Variants in TLN2 observed in about 807,000 individuals in gnomAD.
The protein encoded by TLN2 is talin-2.
In TLN2, 118 loss-of-function variants were observed where a neutral mutation model predicts 294.7. The ratio of observed to expected loss-of-function variants is 0.40; its 90% CI spans 0.34 to 0.47. The LOEUF (loss-of-function observed/expected upper bound fraction) is 0.47. Among genes scored for constraint, TLN2 ranks in the 20% least tolerant of loss-of-function variants. The probability of loss-of-function intolerance (pLI) is 0.84; values close to 1 mark genes in which losing one functional copy is unlikely to be tolerated. For missense variants in TLN2, 3,083 were observed against 3,282.2 expected, an observed-to-expected ratio of 0.94 and a Z score of 1.48; for synonymous variants, 1,431 against 1,304.5, an observed-to-expected ratio of 1.10 and a Z score of -2.09.
chr15:62,710,846 C>T (rs1308925357), intron 21 of TLN2, among the ~76,000 whole-genome samples: 1 of 150,756 alleles, frequency 6.6e-6, no homozygotes, highest in Non-Finnish European at 1.5e-5. Context: ...CTGCCTTAGC[C>T]TCCTGAGTAG....
At chr15:62,465,918 G>A (rs1280436173) in intron 1 of TLN2, among the ~76,000 whole-genome samples, 2 of 152,204 alleles carry the variant, frequency 1.3e-5, no homozygotes, top group East Asian at 3.8e-4. Flanking sequence ...AGGATTGGAA[G>A]GAGTTTGTAG....
chr15:62,689,994 A>G (rs868581458), intron 12 of TLN2, among the ~76,000 whole-genome samples: 2 of 14,144 alleles, frequency 1.4e-4, no homozygotes, highest in Non-Finnish European at 2.0e-4. Context: ...TCCCTCCCGG[A>G]CGGGGCGGCT....
rs1410393464 is a variant in TLN2 at position 62,599,259 on chromosome 15, A to T, written c.-162+9497A>T. ...GGTCAAGTCTAAAGGGATAGAGGGG[A>T]GTCAATATTTAACTGGTTGCAGTGA... On this transcript the variant is annotated intron_variant, in intron 2 of 58. Coordinates refer to ENST00000636159, the MANE Select transcript of TLN2 (RefSeq NM_015059.3). 5.3e-5 allele frequency among the ~76,000 whole-genome samples: 8 copies of T among 152,330 alleles called. No homozygotes were observed. The East Asian group carries it at 1.5e-3, about 29-fold the overall frequency.
chr15:62,716,544 G>A (rs2059783596), intron 23 of TLN2, 85 bp downstream of exon 23: 1 of 1,472,142 alleles, frequency 6.8e-7, no homozygotes, highest in Non-Finnish European at 9.0e-7. Flanking sequence ...ACAAGGTGTT[G>A]ACAATATAAA....
At chr15:62,496,274 C>A (rs1324572703) in intron 1 of TLN2, among the ~76,000 whole-genome samples, 2 of 152,202 alleles carry the variant, frequency 1.3e-5, no homozygotes. Context: ...GAGGCATGCC[C>A]AGAGAAGATT....
intron 3 of TLN2, among the ~76,000 whole-genome samples, chr15:62,640,941 A>T (rs780149672): frequency 6.6e-6 from 1 of 151,950 alleles, no homozygotes; most frequent in East Asian, 1.9e-4. Flanking sequence ...GGCTGGGATT[A>T]CAGGCGCCCG....
intron 27 of TLN2, among the ~76,000 whole-genome samples, chr15:62,726,368 C>A (rs112817891): frequency 1.3e-5 from 2 of 152,160 alleles, no homozygotes; most frequent in Non-Finnish European, 2.9e-5. Context: ...TTTGTACTCT[C>A]GCAGTATACC....
At chr15:62,525,306 A>G (rs968394694) in intron 1 of TLN2, among the ~76,000 whole-genome samples, 2 of 152,240 alleles carry the variant, frequency 1.3e-5, no homozygotes, top group African/African-American at 4.8e-5. Flanking sequence ...ATGTTCTCAG[A>G]TCTCCCTGAA....
At chr15:62,530,616 A>G (rs919668915) in intron 1 of TLN2, among the ~76,000 whole-genome samples, 1 of 152,192 alleles carries the variant, frequency 6.6e-6, no homozygotes, top group East Asian at 1.9e-4. Context: ...TGGCCTCCCA[A>G]AGTGCTGGGA....
In TLN2 at chr15:62,504,846, T is replaced by TGAGAGA. The variant is rs56056575; in HGVS notation, c.-237-84821_-237-84816dup. ...GTGTGTGTGTGTGTGTGTGTGTGTG[T>TGAGAGA]GAGAGAGAGAGAGAGAGAGAGAGAG... On this transcript the variant is annotated intron_variant, in intron 1 of 58. Coordinates refer to ENST00000636159, the MANE Select transcript of TLN2 (RefSeq NM_015059.3). Among the ~76,000 whole-genome samples the TGAGAGA allele has an allele frequency of 2.8e-4, 40 of 144,478 alleles. 1 individual carries two copies. The South Asian group carries it at 3.8e-3, about 14-fold the overall frequency. 94.8% of individuals were successfully genotyped at this position (144,478 alleles called of 152,430 possible). A position where few individuals can be genotyped will look rare whatever the true frequency, so the allele number is the denominator to read the frequency against.
intron 46 of TLN2, 53 bp from the exon 47 acceptor site, chr15:62,796,074 G>A: frequency 6.3e-7 from 1 of 1,583,310 alleles, no homozygotes; most frequent in Non-Finnish European, 8.6e-7. Context: ...TCTGCTTTTA[G>A]GTCCTGTTCT....
intron 1 of TLN2, among the ~76,000 whole-genome samples, chr15:62,506,125 C>G (rs893662933): frequency 1.3e-5 from 2 of 152,224 alleles, no homozygotes; most frequent in Admixed American, 1.3e-4. Context: ...GTTAATTTTT[C>G]TCTCATGTCT....
intron 4 of TLN2, among the ~76,000 whole-genome samples, chr15:62,648,801 G>A (rs188728486): frequency 3.3e-3 from 496 of 151,920 alleles, no homozygotes; most frequent in Non-Finnish European, 5.1e-3. Flanking sequence ...TGCCTGCCTC[G>A]GCCTCCTAAA....
intron 1 of TLN2, among the ~76,000 whole-genome samples, chr15:62,400,675 G>A (rs1010625961): frequency 6.6e-6 from 1 of 152,038 alleles, no homozygotes. Flanking sequence ...AGAATAATAT[G>A]GTGACCAGAT....
Position 62,694,339 on chromosome 15 carries a change from A to G in TLN2, c.1239A>G (p.Gly413=), listed in dbSNP as rs1393675758. Residue 413 remains glycine, a synonymous_variant, in exon 14 of 59, where the codon GGA becomes GGG. Coordinates refer to ENST00000636159, the MANE Select transcript of TLN2 (RefSeq NM_015059.3). ...LKKKQSKDRF[G]LEGDEESTML... ...AGAAACAAAGTAAAGATCGATTTGG[A>G]CTAGAAGGTGATGAGGAGTCAACCA... 1.2e-6 allele frequency: 2 copies of G among 1,613,922 alleles called. No individual in the cohort carries two copies. The highest frequency in any genetic ancestry group is 2.2e-5 in the East Asian group (1 of 44,892).
chr15:62,670,033 C>A (rs4530074), intron 9 of TLN2, among the ~76,000 whole-genome samples: 152,253 of 152,280 alleles, frequency 1, 76,113 homozygotes, highest in Non-Finnish European at 1. Context: ...GAAAGAAGGG[C>A]GCTTGCTGCA....
chr15:62,809,320 A>C (rs78950715), intron 51 of TLN2, among the ~76,000 whole-genome samples: 13,152 of 152,208 alleles, frequency 0.086, 1,920 homozygotes, highest in African/African-American at 0.3. Context: ...TGTGTTAAGC[A>C]TGTGTGCTGG....
intron 1 of TLN2, among the ~76,000 whole-genome samples, chr15:62,485,843 G>A (rs1293955972): frequency 1.3e-5 from 2 of 152,108 alleles, no homozygotes; most frequent in Admixed American, 6.5e-5. Context: ...GGAGTGGAGA[G>A]GGGCACCATC....
intron 20 of TLN2, 52 bp downstream of exon 20, chr15:62,707,305 C>CT: frequency 2.0e-6 from 3 of 1,527,364 alleles, no homozygotes; most frequent in Middle Eastern, 3.5e-4. Flanking sequence ...CTGCTGTTAC[C>CT]TGCCTCCAGG....
Sources: gnomAD v4.1 joint callset for allele counts (sites outside exome capture counted in the v4.1 genomes callset) on GRCh38, gnomAD v4.1.1 for gene constraint, MANE v1.5 for transcripts, NCBI Gene and HGNC (gene_info 2026-07-23, HGNC 2026-07-21) for gene names.